NCOA2: variants seen among roughly 807,000 people sequenced by gnomAD.
NCOA2 encodes the protein class E basic helix-loop-helix protein 75.
In NCOA2, 21 loss-of-function variants were observed where a neutral mutation model predicts 145.1. The ratio of observed to expected loss-of-function variants is 0.14; its 90% CI spans 0.10 to 0.21. NCOA2 has a LOEUF of 0.21. NCOA2 is among the 10% of genes least tolerant of loss of function. The pLI is 1.00. For missense variants in NCOA2, 1,472 were observed against 1,837.6 expected, an observed-to-expected ratio of 0.80 and a Z score of 3.64; for synonymous variants, 619 against 637.5, an observed-to-expected ratio of 0.97 and a Z score of 0.44.
chr8:70,296,048 T>C lies in NCOA2; in HGVS notation c.-20+696A>G, dbSNP rs577185081. On this transcript the variant is annotated intron_variant, in intron 2 of 22. Transcript: ENST00000452400. ...ATTCTTAATGTTTATTACCCGATAA[T>C]TACTTTAACAAACGTTTATTTAGTC... Among the ~76,000 whole-genome samples the C allele has an allele frequency of 1.3e-4, 20 of 152,366 alleles. No individual in the cohort carries two copies. The South Asian group carries it at 4.1e-3, about 32-fold the overall frequency.
At chr8:70,287,725 G>A (rs913412266) in intron 2 of NCOA2, among the ~76,000 whole-genome samples, 1 of 152,106 alleles carries the variant, frequency 6.6e-6, no homozygotes, top group Non-Finnish European at 1.5e-5. Flanking sequence ...AGATTATCAT[G>A]TCTGATAAAA....
intron 2 of NCOA2, among the ~76,000 whole-genome samples, chr8:70,251,985 T>G (rs1340029847): frequency 6.6e-6 from 1 of 152,246 alleles, no homozygotes. Context: ...AAATGATATT[T>G]GCTTATAACC....
At chr8:70,128,678 C>T in intron 17 of NCOA2, 24 bp downstream of exon 17, 1 of 1,610,042 alleles carries the variant, frequency 6.2e-7, no homozygotes, top group Non-Finnish European at 8.5e-7. Flanking sequence ...CCCCTGACTT[C>T]CCAGGTGCCA....
intron 16 of NCOA2, among the ~76,000 whole-genome samples, chr8:70,129,889 C>T (rs1029513041): frequency 1.3e-5 from 2 of 152,196 alleles, no homozygotes; most frequent in African/African-American, 4.8e-5. Context: ...AGGCTGGTCT[C>T]GAACTCCCAA....
At chr8:70,163,027 G>C (rs1415166106) in intron 8 of NCOA2, among the ~76,000 whole-genome samples, 173 bp from the exon 9 acceptor site, 2 of 144,890 alleles carry the variant, frequency 1.4e-5, no homozygotes. Context: ...CGACTCTTGT[G>C]AATCAGATGC....
At chr8:70,267,398 T>G (rs1194473592) in intron 2 of NCOA2, among the ~76,000 whole-genome samples, 39 of 149,094 alleles carry the variant, frequency 2.6e-4, no homozygotes, top group Non-Finnish European at 2.5e-4. Flanking sequence ...TTCTGTTTTT[T>G]TTTTTTTTTT....
intron 1 of NCOA2, chr8:70,357,311 AT>A (rs539354123): frequency 1.8e-3 from 269 of 146,170 alleles, no homozygotes; most frequent in Non-Finnish European, 1.7e-3. Context: ...GCAAAAAAAA[AT>A]TTTTTTTTTT....
rs115357573 is a variant in NCOA2, at chr8:70,240,255, T to C, written c.-19-23491A>G. ...CAAAGCTGTTTCCATGTCTGTAATATTTGCAGATAACATTTACTTCACAAG... is the reference window on the plus strand; with the variant it reads ...CAAAGCTGTTTCCATGTCTGTAATACTTGCAGATAACATTTACTTCACAAG... On this transcript the variant is annotated intron_variant, in intron 2 of 22. Transcript: ENST00000452400. Among the ~76,000 whole-genome samples, 163 of 152,318 alleles carry C rather than the reference T, an allele frequency of 1.1e-3. 1 individual carries two copies. The highest frequency in any genetic ancestry group is 3.7e-3 in the African/African-American group (153 of 41,572).
chr8:70,311,485 A>AT (rs1805118511), intron 1 of NCOA2, among the ~76,000 whole-genome samples: 1 of 152,198 alleles, frequency 6.6e-6, no homozygotes, highest in Non-Finnish European at 1.5e-5. Context: ...CAACTTATTA[A>AT]TTTTTTACCC....
At chr8:70,359,933 C>CT (rs1464673192) in intron 1 of NCOA2, among the ~76,000 whole-genome samples, 2 of 152,304 alleles carry the variant, frequency 1.3e-5, no homozygotes, top group East Asian at 3.9e-4. Context: ...TCTGCAGTGT[C>CT]TATCTCTCCC....
At chr8:70,163,761 TG>T (rs1280640776) in intron 7 of NCOA2, among the ~76,000 whole-genome samples, 195 bp from the exon 8 acceptor site, 2 of 151,932 alleles carry the variant, frequency 1.3e-5, no homozygotes, top group African/African-American at 4.8e-5. Flanking sequence ...AGACGGAGGG[TG>T]GCTGTGTAAG....
At chr8:70,179,975 T>G (rs1008439073) in intron 4 of NCOA2, among the ~76,000 whole-genome samples, 3 of 152,210 alleles carry the variant, frequency 2.0e-5, no homozygotes, top group African/African-American at 7.2e-5. Context: ...GAGACAGGGT[T>G]TCACTCTGTT....
chr8:70,160,682 G>GAGAGAGAGA (rs371258460), intron 9 of NCOA2, among the ~76,000 whole-genome samples: 679 of 58,312 alleles, frequency 0.012, 10 homozygotes, highest in African/African-American at 0.027. Context: ...AGAGAGAGAG[G>GAGAGAGAGA]GAGAGAGAGA....
chr8:70,382,317 C>T (rs926461515), intron 1 of NCOA2, among the ~76,000 whole-genome samples: 7 of 151,812 alleles, frequency 4.6e-5, no homozygotes, highest in East Asian at 2.0e-4. Flanking sequence ...TTTTTGACTT[C>T]GAAGATCACT....
chr8:70,238,571 C>T (rs747128529), intron 2 of NCOA2, among the ~76,000 whole-genome samples: 3 of 152,124 alleles, frequency 2.0e-5, no homozygotes, highest in African/African-American at 7.2e-5. Flanking sequence ...TCTAGAAATA[C>T]GTAACAGGAG....
chr8:70,247,225 CA>C (rs1822708029), intron 2 of NCOA2, among the ~76,000 whole-genome samples: 1 of 152,058 alleles, frequency 6.6e-6, no homozygotes, highest in South Asian at 2.1e-4. Flanking sequence ...TGTCAGGGAA[CA>C]TAAGTTTCCA....
At chr8:70,442,422 T>A in the NCOA2 span, among the ~76,000 whole-genome samples, 1 of 152,238 alleles carries the variant, frequency 6.6e-6, no homozygotes, top group African/African-American at 2.4e-5. Flanking sequence ...ATTTTCACCT[T>A]TGTTATCACT....
chr8:70,192,516 G>A (rs1390315672), intron 4 of NCOA2, among the ~76,000 whole-genome samples: 1 of 152,198 alleles, frequency 6.6e-6, no homozygotes, highest in African/African-American at 2.4e-5. Context: ...CCACGGGCCT[G>A]CCCCTCTGCT....
intron 1 of NCOA2, among the ~76,000 whole-genome samples, chr8:70,370,166 T>C (rs1322498186): frequency 1.3e-5 from 2 of 152,124 alleles, no homozygotes; most frequent in African/African-American, 2.4e-5. Context: ...ATTACAGCTG[T>C]GAACCACCGT....
Sources: gnomAD v4.1 joint callset for allele counts (sites outside exome capture counted in the v4.1 genomes callset) on GRCh38, gnomAD v4.1.1 for gene constraint, MANE v1.5 for transcripts, NCBI Gene and HGNC (gene_info 2026-07-23, HGNC 2026-07-21) for gene names.